Variants in ATXN7L1 observed in about 807,000 individuals in gnomAD.
ATXN7L1 encodes the protein ataxin-7-like protein 1.
A neutral mutation model predicts 70.8 loss-of-function variants in ATXN7L1; 15 were observed. The observed-to-expected ratio is 0.21, with a 90% confidence interval of 0.14 to 0.33. The LOEUF is 0.33. ATXN7L1 is among the 10% of genes least tolerant of loss of function. The probability of loss-of-function intolerance (pLI) is 1.00; values close to 1 mark genes in which losing one functional copy is unlikely to be tolerated. For missense variants in ATXN7L1, 975 were observed against 1,097.1 expected, an observed-to-expected ratio of 0.89 and a Z score of 1.57; for synonymous variants, 440 against 445.1, an observed-to-expected ratio of 0.99 and a Z score of 0.14.
chr7:105,675,439 A>G (rs1313680934), intron 3 of ATXN7L1, among the ~76,000 whole-genome samples: 4 of 152,138 alleles, frequency 2.6e-5, no homozygotes, highest in African/African-American at 7.2e-5. Context: ...CCTGGCCAAC[A>G]TGGTGAAAGC....
chr7:105,765,510 C>A lies in ATXN7L1; in HGVS notation c.355+23094G>T, dbSNP rs548941371. Among the ~76,000 whole-genome samples the A allele has an allele frequency of 2.6e-5, 4 of 152,162 alleles. No individual in the cohort carries two copies. The South Asian group carries it at 8.3e-4, about 32-fold the overall frequency. ...GTCTGAAAGAGGCAGAAACAGGAAC[C>A]CAGACTCATCTCTTAACCCCAGGCA... On this transcript the variant is annotated intron_variant, in intron 3 of 11. Transcript: ENST00000419735.
chr7:105,804,050 G>A (rs1000407372), intron 2 of ATXN7L1, among the ~76,000 whole-genome samples: 1 of 152,166 alleles, frequency 6.6e-6, no homozygotes, highest in Non-Finnish European at 1.5e-5. Flanking sequence ...TGGCCAGAGG[G>A]AGAGAAATGG....
intron 3 of ATXN7L1, among the ~76,000 whole-genome samples, chr7:105,706,112 T>C (rs2116252519): frequency 6.6e-6 from 1 of 152,252 alleles, no homozygotes; most frequent in East Asian, 1.9e-4. Flanking sequence ...GAGAGCTAGC[T>C]AAACTGAATT....
At chr7:105,797,063 A>G (rs936246250) in intron 2 of ATXN7L1, among the ~76,000 whole-genome samples, 4 of 152,230 alleles carry the variant, frequency 2.6e-5, no homozygotes, top group African/African-American at 4.8e-5. Flanking sequence ...AGAACTAGAA[A>G]AGCAAGCAGC....
At chr7:105,727,297 G>A (rs1294742833) in intron 3 of ATXN7L1, among the ~76,000 whole-genome samples, 1 of 152,128 alleles carries the variant, frequency 6.6e-6, no homozygotes, top group Non-Finnish European at 1.5e-5. Flanking sequence ...TCACGCACAG[G>A]CTTGAAAGAT....
At chr7:105,613,119 A>C (rs1019514811) in intron 10 of ATXN7L1, among the ~76,000 whole-genome samples, 1 of 152,202 alleles carries the variant, frequency 6.6e-6, no homozygotes, top group African/African-American at 2.4e-5. Context: ...GTAGCCCCCC[A>C]GCCGGAGGAG....
intron 3 of ATXN7L1, among the ~76,000 whole-genome samples, chr7:105,707,418 G>T (rs951499128): frequency 6.6e-6 from 1 of 152,176 alleles, no homozygotes; most frequent in Non-Finnish European, 1.5e-5. Flanking sequence ...TTGGGTAGAG[G>T]TCAAAATGGT....
chr7:105,773,883 A>G (rs1325948326), intron 3 of ATXN7L1, among the ~76,000 whole-genome samples: 2 of 152,236 alleles, frequency 1.3e-5, no homozygotes, highest in Non-Finnish European at 2.9e-5. Context: ...AGTGGTTAAA[A>G]AAAATAAATG....
chr7:105,633,776 C>A (rs1005799706), intron 7 of ATXN7L1, among the ~76,000 whole-genome samples: 2 of 152,082 alleles, frequency 1.3e-5, no homozygotes, highest in Non-Finnish European at 2.9e-5. Flanking sequence ...GTGGCTGAAA[C>A]ACTCTATAAT....
At chr7:105,802,261 C>T (rs1476533190) in intron 2 of ATXN7L1, among the ~76,000 whole-genome samples, 1 of 151,992 alleles carries the variant, frequency 6.6e-6, no homozygotes, top group Non-Finnish European at 1.5e-5. Flanking sequence ...GGCCTCCATA[C>T]CTCAGTAAAC....
At chr7:105,628,749 C>T (rs1343936408) in intron 7 of ATXN7L1, among the ~76,000 whole-genome samples, 5 of 151,518 alleles carry the variant, frequency 3.3e-5, no homozygotes, top group African/African-American at 1.2e-4. Flanking sequence ...GCCGAGATCG[C>T]GCCACTGTAC....
chr7:105,686,590 C>T (rs998483648), intron 3 of ATXN7L1, among the ~76,000 whole-genome samples: 31 of 152,314 alleles, frequency 2.0e-4, no homozygotes, highest in African/African-American at 6.3e-4. Context: ...CCTTAGCCTA[C>T]CCTATCTTAA....
At chr7:105,713,277 A>T (rs1794146536) in intron 3 of ATXN7L1, among the ~76,000 whole-genome samples, 1 of 152,196 alleles carries the variant, frequency 6.6e-6, no homozygotes, top group South Asian at 2.1e-4. Flanking sequence ...ACCATATCAG[A>T]TGGGGCCTGG....
intron 7 of ATXN7L1, among the ~76,000 whole-genome samples, chr7:105,624,518 C>T (rs186032762): frequency 6.6e-6 from 1 of 152,000 alleles, no homozygotes; most frequent in Non-Finnish European, 1.5e-5. Context: ...GGCATGGTGG[C>T]GCGTGCCTGT....
chr7:105,739,826 A>G (rs1456099340), intron 3 of ATXN7L1, among the ~76,000 whole-genome samples: 1 of 152,136 alleles, frequency 6.6e-6, no homozygotes, highest in Non-Finnish European at 1.5e-5. Context: ...CGGCAACATG[A>G]CCTCTAGGTC....
At position 105,874,477 on chromosome 7, in the gene ATXN7L1, T is replaced by C. The variant is rs1818733414; in HGVS notation, c.250+1335A>G. Among the ~76,000 whole-genome samples the C allele has an allele frequency of 3.3e-5, 5 of 152,228 alleles. No individual in the cohort carries two copies. The South Asian group carries it at 1.0e-3, about 31-fold the overall frequency. On this transcript the variant is annotated intron_variant, in intron 2 of 11. Coordinates refer to ENST00000419735, the MANE Select transcript of ATXN7L1 (RefSeq NM_020725.2). ...ACATGAACATTTAACACAAATAAGCTGCCACTTGTAAGAAGTCCACTTGAC... is the reference window on the plus strand; with the variant it reads ...ACATGAACATTTAACACAAATAAGCCGCCACTTGTAAGAAGTCCACTTGAC...
chr7:105,692,836 C>A (rs932830716), intron 3 of ATXN7L1, among the ~76,000 whole-genome samples: 1 of 151,868 alleles, frequency 6.6e-6, no homozygotes, highest in Non-Finnish European at 1.5e-5. Context: ...TTCCTGGGCT[C>A]AAGCGATCCT....
chr7:105,808,505 C>T (rs1455758573), intron 2 of ATXN7L1, among the ~76,000 whole-genome samples: 1 of 152,174 alleles, frequency 6.6e-6, no homozygotes, highest in Non-Finnish European at 1.5e-5. Context: ...CAAATCCACT[C>T]TCTGTGGTGA....
chr7:105,808,410 G>A (rs1807923408), intron 2 of ATXN7L1, among the ~76,000 whole-genome samples: 1 of 152,196 alleles, frequency 6.6e-6, no homozygotes. Context: ...TTTCCAGAGA[G>A]GCGGAAAAAT....
Sources: gnomAD v4.1 joint callset for allele counts (sites outside exome capture counted in the v4.1 genomes callset) on GRCh38, gnomAD v4.1.1 for gene constraint, MANE v1.5 for transcripts, NCBI Gene and HGNC (gene_info 2026-07-23, HGNC 2026-07-21) for gene names.